Variants in DHRS7C observed in about 807,000 individuals in gnomAD.
DHRS7C encodes the protein dehydrogenase/reductase 7C.
In DHRS7C, 28 loss-of-function variants were observed where a neutral mutation model predicts 29.6. The observed-to-expected ratio is 0.95, with a 90% confidence interval of 0.70 to 1.30. The LOEUF is 1.30. Ranked by LOEUF, DHRS7C falls within the 50% of genes most tolerant of loss-of-function variation. DHRS7C has a pLI of 0.00. For missense variants in DHRS7C, 403 were observed against 393.3 expected, an observed-to-expected ratio of 1.02 and a Z score of -0.21; for synonymous variants, 158 against 160.2, an observed-to-expected ratio of 0.99 and a Z score of 0.10.
chr17:9,791,242 C>CCAG lies in DHRS7C; in HGVS notation c.40_42dup (p.Leu14dup). 1 of 1,613,664 alleles carries CCAG rather than the reference C, an allele frequency of 6.2e-7. No individual in the cohort carries two copies. Among genetic ancestry groups the CCAG allele is most frequent in the Non-Finnish European group, 8.5e-7 (1 of 1,179,772 alleles). On this transcript the variant is annotated inframe_insertion, in exon 1 of 6. Transcript: ENST00000571134. ...TAAATGAAGAGGAGGCCGCTGATTC[C>CCAG]CAGCAGCAGCAGGGGGAGCATCAGC... is the stretch of plus-strand genomic sequence containing the variant.
At chr17:9,780,283 T>G (rs2066386592) in intron 2 of DHRS7C, among the ~76,000 whole-genome samples, 1 of 152,158 alleles carries the variant, frequency 6.6e-6, no homozygotes, top group South Asian at 2.1e-4. Flanking sequence ...ATCTAAACTC[T>G]TGGCCAGGGT....
chr17:9,789,898 G>C (rs534350344), intron 1 of DHRS7C, among the ~76,000 whole-genome samples: 1 of 152,044 alleles, frequency 6.6e-6, no homozygotes, highest in African/African-American at 2.4e-5. Context: ...TGTGTACCTC[G>C]CTCCCTTTTG....
At position 9,779,504 on chromosome 17, in the gene DHRS7C, G is replaced by T. The variant is rs540256159; in HGVS notation, c.478+321C>A. ...ATGATTGTTGAGACAATTGTTGGAG[G>T]ATGAGACAATTTTTCAGAGACGTCG... On this transcript the variant is annotated intron_variant, in intron 3 of 5. Transcript: ENST00000571134. 3.9e-5 allele frequency among the ~76,000 whole-genome samples: 6 copies of T among 152,296 alleles called. No individual in the cohort carries two copies. In the South Asian group the frequency reaches 1.2e-3, roughly 32 times the overall value.
intron 1 of DHRS7C, among the ~76,000 whole-genome samples, chr17:9,789,797 C>T (rs1255975793): frequency 6.6e-6 from 1 of 152,180 alleles, no homozygotes; most frequent in Non-Finnish European, 1.5e-5. Context: ...TTTTCCAGCT[C>T]TCCAGGGCGG....
Position 9,791,360 on chromosome 17 carries a change from G to A in DHRS7C, c.-76C>T. 1 of 1,535,704 alleles carries A rather than the reference G, an allele frequency of 6.5e-7. No homozygotes were observed. Among genetic ancestry groups the A allele is most frequent in the East Asian group, 2.3e-5 (1 of 43,410 alleles). Reference sequence around the variant, plus strand: ...GCTGATCAGGACTCCCAGGGCAGGGGGAGGCCCAAGGCTGCAGGGAGCTCA... The same window carrying A: ...GCTGATCAGGACTCCCAGGGCAGGGAGAGGCCCAAGGCTGCAGGGAGCTCA... On this transcript the variant is annotated 5_prime_UTR_variant, in exon 1 of 6. Transcript: ENST00000571134.
intron 1 of DHRS7C, among the ~76,000 whole-genome samples, chr17:9,788,398 G>C (rs956347005): frequency 2.0e-5 from 3 of 151,886 alleles, no homozygotes; most frequent in African/African-American, 7.3e-5. Flanking sequence ...GTAGAGACGG[G>C]GTTTTACCAT....
At chr17:9,790,774 A>G (rs1402346823) in intron 1 of DHRS7C, among the ~76,000 whole-genome samples, 1 of 152,180 alleles carries the variant, frequency 6.6e-6, no homozygotes. Context: ...CAGGAACTGA[A>G]CCCAGCTCCT....
At position 9,772,787 on chromosome 17, in the gene DHRS7C, C is replaced by T. The variant is rs905192837; in HGVS notation, c.707G>A (p.Trp236Ter). ...CTCACATTTCCAAATGGAAGCTTCC[C>T]AGTTTCCTTGCTCTGGATACACGTG... Reference protein sequence around the residue: ...SYHVYPEQGNWEASIWKFFFR... With the variant: ...SYHVYPEQGN The change falls in exon 5 of 6, where the codon TGG (tryptophan) becomes TAG (stop). Residue 236 changes from tryptophan (W) to a stop codon, truncating the protein, a stop_gained. Transcript: ENST00000571134. LOFTEE classifies it high-confidence loss of function. 2 of 1,613,786 alleles carry T rather than the reference C, an allele frequency of 1.2e-6. No homozygotes were observed. Among genetic ancestry groups the T allele is most frequent in the Non-Finnish European group, 8.5e-7 (1 of 1,179,862 alleles).
At chr17:9,788,981 G>C (rs2066439668) in intron 1 of DHRS7C, among the ~76,000 whole-genome samples, 1 of 152,170 alleles carries the variant, frequency 6.6e-6, no homozygotes, top group East Asian at 1.9e-4. Flanking sequence ...TCCTGCAAAG[G>C]CTGTTTCCCT....
Position 9,791,430 on chromosome 17 carries a change from TC to T in DHRS7C, c.-147del. The T allele has an allele frequency of 1.2e-6, 1 of 831,358 alleles. No individual in the cohort carries two copies. Among genetic ancestry groups the T allele is most frequent in the Non-Finnish European group, 1.8e-6 (1 of 559,196 alleles). The allele number at this position is 831,358 out of a possible 1,614,324, so 51.5% of individuals were successfully genotyped here. A position where few individuals can be genotyped will look rare whatever the true frequency, so the allele number is the denominator to read the frequency against. ...GCTGAACACCCAGTGGGCGTGCTAA[TC>T]CCCAAATGTTCAACAAATAGGAAGT... is the stretch of plus-strand genomic sequence containing the variant. On this transcript the variant is annotated 5_prime_UTR_variant, in exon 1 of 6. Transcript: ENST00000571134.
chr17:9,771,804 C>T (rs980131131), intron 5 of DHRS7C, 108 bp from the exon 6 acceptor site: 48 of 1,155,456 alleles, frequency 4.2e-5, no homozygotes, highest in Non-Finnish European at 4.4e-5. Flanking sequence ...GGGCTGTCCC[C>T]GGAGTCACAG....
intron 5 of DHRS7C, among the ~76,000 whole-genome samples, 198 bp downstream of exon 5, chr17:9,772,569 T>A (rs2066336121): frequency 6.6e-6 from 1 of 152,138 alleles, no homozygotes; most frequent in African/African-American, 2.4e-5. Flanking sequence ...TAGGCTGCAG[T>A]GAGGATTCTG....
chr17:9,783,219 G>C (rs1372442861), intron 1 of DHRS7C, among the ~76,000 whole-genome samples: 1 of 152,164 alleles, frequency 6.6e-6, no homozygotes, highest in African/African-American at 2.4e-5. Context: ...TGCTGACAGA[G>C]GGAAACCCGA....
At chr17:9,789,884 A>T (rs1407703295) in intron 1 of DHRS7C, among the ~76,000 whole-genome samples, 3 of 151,796 alleles carry the variant, frequency 2.0e-5, no homozygotes, top group Admixed American at 1.3e-4. Context: ...AAGGAGTTTG[A>T]GTTTGTGTAC....
At chr17:9,778,001 G>A (rs550009058) in intron 3 of DHRS7C, among the ~76,000 whole-genome samples, 1 of 152,220 alleles carries the variant, frequency 6.6e-6, no homozygotes, top group East Asian at 1.9e-4. Flanking sequence ...ATTAATAATA[G>A]TATAGGCGGA....
At chr17:9,772,703 C>G (rs992642082) in intron 5 of DHRS7C, 64 bp downstream of exon 5, 5 of 1,568,056 alleles carry the variant, frequency 3.2e-6, no homozygotes, top group African/African-American at 2.7e-5. Context: ...GTCATTCATC[C>G]CCCCAGTGAC....
chr17:9,790,783 C>A (rs1185282896), intron 1 of DHRS7C, among the ~76,000 whole-genome samples: 1 of 152,212 alleles, frequency 6.6e-6, no homozygotes, highest in African/African-American at 2.4e-5. Flanking sequence ...AACCCAGCTC[C>A]TGAGTCTGGG....
At chr17:9,776,782 T>C (rs1318330166) in intron 4 of DHRS7C, among the ~76,000 whole-genome samples, 1 of 152,198 alleles carries the variant, frequency 6.6e-6, no homozygotes, top group Non-Finnish European at 1.5e-5. Flanking sequence ...CCCTCCCATT[T>C]TGTGATGTGC....
At position 9,771,622 on chromosome 17, in the gene DHRS7C, T is replaced by G; in HGVS notation, c.802A>C (p.Lys268Gln). Residue 268 changes from lysine to glutamine, a missense_variant, in exon 6 of 6, where the codon AAG (lysine) becomes CAG (glutamine). Transcript: ENST00000571134. ...AEEVMRTVRR[K>Q]KQEVFMANPI... ...TTGGCCATAAACACCTCTTGCTTCT[T>G]CCTCCGCACGGTGCGCATCACCTCC... The G allele has an allele frequency of 6.2e-7, 1 of 1,600,142 alleles. No individual in the cohort carries two copies. The highest frequency in any genetic ancestry group is 1.3e-5 in the African/African-American group (1 of 74,572).
Sources: allele counts gnomAD v4.1 joint callset (sites outside exome capture counted in the v4.1 genomes callset), GRCh38; gene constraint gnomAD v4.1.1; transcripts MANE v1.5; gene names NCBI Gene and HGNC (gene_info 2026-07-23, HGNC 2026-07-21).